Variants in SETD7 observed in about 807,000 individuals in gnomAD.
The protein encoded by SETD7 is histone-lysine N-methyltransferase SETD7.
SETD7 carries 16 observed loss-of-function variants against 41.8 expected under a neutral mutation model. That is an observed-to-expected ratio of 0.38 (90% CI 0.26 to 0.58). The LOEUF (loss-of-function observed/expected upper bound fraction) is 0.58. Ranked by LOEUF, SETD7 falls within the 20% of genes least tolerant of loss-of-function variation. The probability of loss-of-function intolerance (pLI) is 0.64; values close to 1 mark genes in which losing one functional copy is unlikely to be tolerated. For missense variants in SETD7, 346 were observed against 459.7 expected, an observed-to-expected ratio of 0.75 and a Z score of 2.26; for synonymous variants, 163 against 169.7, an observed-to-expected ratio of 0.96 and a Z score of 0.31.
chr4:139,554,068 T>C (rs540625409), intron 1 of SETD7, among the ~76,000 whole-genome samples: 2 of 152,344 alleles, frequency 1.3e-5, no homozygotes, highest in African/African-American at 4.8e-5. Flanking sequence ...TCTAATTGTT[T>C]AGTTAGCTAC....
chr4:139,523,904 G>A (rs371435670), intron 4 of SETD7, among the ~76,000 whole-genome samples: 1 of 152,194 alleles, frequency 6.6e-6, no homozygotes, highest in South Asian at 2.1e-4. Context: ...GAACAGCACT[G>A]CTTTTGATAA....
chr4:139,501,550 A>G (rs1188659543), downstream of SETD7, among the ~76,000 whole-genome samples: 2 of 152,164 alleles, frequency 1.3e-5, no homozygotes, highest in Non-Finnish European at 2.9e-5. Flanking sequence ...ACTCCATGTA[A>G]CAAAAAACCA....
At chr4:139,551,029 T>C (rs1450606450) in intron 1 of SETD7, among the ~76,000 whole-genome samples, 2 of 152,182 alleles carry the variant, frequency 1.3e-5, no homozygotes, top group Admixed American at 1.3e-4. Flanking sequence ...AGAAGGTACC[T>C]CTAAAAAGGT....
At chr4:139,514,806 C>T (rs1464113565) in intron 7 of SETD7, among the ~76,000 whole-genome samples, 1 of 152,190 alleles carries the variant, frequency 6.6e-6, no homozygotes, top group African/African-American at 2.4e-5. Context: ...ATCTATTTGT[C>T]CATTTGGCAT....
intron 5 of SETD7, among the ~76,000 whole-genome samples, chr4:139,521,281 C>T (rs1230674162): frequency 6.6e-6 from 1 of 151,934 alleles, no homozygotes; most frequent in Non-Finnish European, 1.5e-5. Flanking sequence ...CAAAAAATAG[C>T]TGGGTGTGGT....
At position 139,511,740 on chromosome 4, in the gene SETD7, G is replaced by A. The variant is rs750108285; in HGVS notation, c.1024C>T (p.Pro342Ser). 1 of 1,614,144 alleles carries A rather than the reference G, an allele frequency of 6.2e-7. No homozygotes were observed. The highest frequency in any genetic ancestry group is 1.3e-5 in the African/African-American group (1 of 75,052). ...GGGGCTTCAGGCCCACTCTTCCCGG[G>A]GGGGCTGTGGTCATAGCCATAGGCA... ...TVAYGYDHSP[P>S]GKSGPEAPEW... Residue 342 changes from proline (P) to serine (S), a missense_variant, in exon 8 of 8, where the codon CCC (proline) becomes TCC (serine). Pro to Ser is a moderately conservative substitution (Grantham distance 74). Around this residue, in one of 3 missense-constraint regions of SETD7, gnomAD observed 75 missense variants for 65.5 expected, o/e 1.14. Transcript: ENST00000274031.
chr4:139,498,240 CTAGAGA>C (rs1467324028), intron 7 of SETD7, among the ~76,000 whole-genome samples: 1 of 152,116 alleles, frequency 6.6e-6, no homozygotes, highest in African/African-American at 2.4e-5. Context: ...TAGCTGATTC[CTAGAGA>C]TAGCAAAGGC....
downstream of SETD7, chr4:139,495,853 G>T: frequency 6.6e-6 from 1 of 152,504 alleles, no homozygotes; most frequent in Non-Finnish European, 1.5e-5. Context: ...AATTCAAGGA[G>T]CATGATTGCT....
At chr4:139,525,480 T>C (rs1253396895) in intron 4 of SETD7, among the ~76,000 whole-genome samples, 1 of 152,172 alleles carries the variant, frequency 6.6e-6, no homozygotes, top group Non-Finnish European at 1.5e-5. Flanking sequence ...TGGACAAACA[T>C]TCATTATAAA....
At chr4:139,539,216 T>C (rs1560689160) in intron 2 of SETD7, among the ~76,000 whole-genome samples, 2 of 152,328 alleles carry the variant, frequency 1.3e-5, no homozygotes, top group East Asian at 1.9e-4. Context: ...TTGTCAGCCA[T>C]AGCAATACAA....
rs970805635 is a variant in SETD7 at position 139,545,254 on chromosome 4, C to T, written c.170+1666G>A. ...CTGGAGTGCTCAAGCAATCTTCCTG[C>T]CTCAGCTCCCCAGCAGCTGGGACCA... On this transcript the variant is annotated intron_variant, in intron 2 of 7. Coordinates refer to ENST00000274031, the MANE Select transcript of SETD7 (RefSeq NM_030648.4). Among the ~76,000 whole-genome samples the T allele has an allele frequency of 8.5e-5, 13 of 152,184 alleles. No individual in the cohort carries two copies. In the South Asian group the frequency reaches 2.7e-3, roughly 32 times the overall value.
intron 3 of SETD7, among the ~76,000 whole-genome samples, chr4:139,530,880 G>A (rs1727465283): frequency 6.6e-6 from 1 of 152,186 alleles, no homozygotes; most frequent in Non-Finnish European, 1.5e-5. Context: ...GAGCTTACAA[G>A]TGTGGACTGT....
chr4:139,501,125 T>A (rs1422733596), downstream of SETD7, among the ~76,000 whole-genome samples: 1 of 152,176 alleles, frequency 6.6e-6, no homozygotes, highest in Admixed American at 6.5e-5. Context: ...CCCATACCAC[T>A]TACCCAGGCA....
At position 139,525,936 on chromosome 4, in the gene SETD7, C is replaced by G. The variant is rs951317493; in HGVS notation, c.563-2501G>C. ...CAAACTATTCAACATTTCAAAACAC[C>G]TGAGGTCTGCAGGAATCTTGCCAAT... On this transcript the variant is annotated intron_variant, in intron 4 of 7. Transcript: ENST00000274031. Among the ~76,000 whole-genome samples, 37 of 152,294 alleles carry G rather than the reference C, an allele frequency of 2.4e-4. No homozygotes were observed. The South Asian group carries it at 2.9e-3, about 12-fold the overall frequency.
intron 1 of SETD7, among the ~76,000 whole-genome samples, chr4:139,550,871 G>A (rs183210622): frequency 4.4e-4 from 67 of 152,286 alleles, no homozygotes; most frequent in African/African-American, 1.5e-3. Context: ...TCTTACAGAT[G>A]AAGACACCAA....
intron 2 of SETD7, 81 bp from the exon 3 acceptor site, chr4:139,533,447 T>C (rs1727548180): frequency 3.3e-6 from 4 of 1,217,878 alleles, no homozygotes; most frequent in Non-Finnish European, 4.7e-6. Context: ...TCCAAGGAAC[T>C]GCATGCCCAG....
At chr4:139,496,747 T>C (rs1289258948) in intron 7 of SETD7, among the ~76,000 whole-genome samples, 1 of 152,196 alleles carries the variant, frequency 6.6e-6, no homozygotes, top group Admixed American at 6.5e-5. Context: ...GTTGTTCTTC[T>C]ACAGAGTAAA....
At chr4:139,526,790 A>G (rs142098438) in intron 4 of SETD7, among the ~76,000 whole-genome samples, 399 of 152,268 alleles carry the variant, frequency 2.6e-3, no homozygotes, top group Middle Eastern at 0.017. Context: ...AAATGCTGCT[A>G]CTTCTGAAGT....
chr4:139,504,598 G>A (rs1200564979), downstream of SETD7, among the ~76,000 whole-genome samples: 1 of 152,092 alleles, frequency 6.6e-6, no homozygotes, highest in Non-Finnish European at 1.5e-5. Context: ...ACAGCATAAA[G>A]TCCTTCGATA....
Sources: gnomAD v4.1 joint callset for allele counts (sites outside exome capture counted in the v4.1 genomes callset) on GRCh38, gnomAD v4.1.1 for gene constraint, gnomAD v4.1.1 regional missense constraint, MANE v1.5 for transcripts, NCBI Gene and HGNC (gene_info 2026-07-23, HGNC 2026-07-21) for gene names.